RAB4A: variants seen among roughly 807,000 people sequenced by gnomAD.
RAB4A encodes the protein ras-related protein Rab-4A.
In RAB4A, 20 loss-of-function variants were observed where a neutral mutation model predicts 34.5. The ratio of observed to expected loss-of-function variants is 0.58; its 90% CI spans 0.41 to 0.84. RAB4A has a LOEUF of 0.84. Among genes scored for constraint, RAB4A ranks in the 40% least tolerant of loss-of-function variants. The probability of loss-of-function intolerance (pLI) is 0.00; values close to 1 mark genes in which losing one functional copy is unlikely to be tolerated. For synonymous variants in RAB4A, 102 were observed against 100.0 expected (o/e 1.02, Z -0.12); for missense variants, 228 against 274.5 (o/e 0.83, Z 1.20).
At chr1:229,300,697 G>T (rs751799766) in intron 6 of RAB4A, among the ~76,000 whole-genome samples, 3 of 152,170 alleles carry the variant, frequency 2.0e-5, no homozygotes, top group Non-Finnish European at 4.4e-5. Context: ...TTGCGGTAAC[G>T]CTGAGACATG....
intron 1 of RAB4A, among the ~76,000 whole-genome samples, chr1:229,280,228 A>C (rs1051327183): frequency 1.3e-5 from 2 of 152,278 alleles, no homozygotes; most frequent in Non-Finnish European, 2.9e-5. Context: ...GCTGCAAACC[A>C]GCAAACATTG....
chr1:229,271,900 G>A (rs1656494873), intron 1 of RAB4A, among the ~76,000 whole-genome samples: 2 of 152,092 alleles, frequency 1.3e-5, no homozygotes, highest in African/African-American at 2.4e-5. Flanking sequence ...CTCTTGCTTC[G>A]TTTATTTCTC....
At chr1:229,287,566 C>T (rs1326717841) in intron 2 of RAB4A, among the ~76,000 whole-genome samples, 1 of 152,186 alleles carries the variant, frequency 6.6e-6, no homozygotes, top group African/African-American at 2.4e-5. Flanking sequence ...TTCTGTCCTC[C>T]TCAGAGAACT....
chr1:229,291,182 C>G (rs1157713386), intron 3 of RAB4A, among the ~76,000 whole-genome samples: 1 of 152,232 alleles, frequency 6.6e-6, no homozygotes, highest in African/African-American at 2.4e-5. Context: ...AAATTCTAAA[C>G]TTAGCCAAAC....
At chr1:229,293,231 C>T (rs1464208202) in intron 3 of RAB4A, among the ~76,000 whole-genome samples, 1 of 152,208 alleles carries the variant, frequency 6.6e-6, no homozygotes, top group Non-Finnish European at 1.5e-5. Flanking sequence ...CTCTGACCCC[C>T]ATCCTTTTGG....
chr1:229,279,732 A>G (rs951401851), intron 1 of RAB4A, among the ~76,000 whole-genome samples: 2 of 152,228 alleles, frequency 1.3e-5, no homozygotes, highest in African/African-American at 2.4e-5. Context: ...CGGAAAGTTA[A>G]AAGTACATTA....
chr1:229,291,544 C>T (rs535949317), intron 3 of RAB4A, among the ~76,000 whole-genome samples: 1 of 152,256 alleles, frequency 6.6e-6, no homozygotes, highest in Non-Finnish European at 1.5e-5. Flanking sequence ...TTTCCTAAAC[C>T]TTTTGTAGAA....
At chr1:229,273,039 A>G (rs1240387748) in intron 1 of RAB4A, among the ~76,000 whole-genome samples, 2 of 152,228 alleles carry the variant, frequency 1.3e-5, no homozygotes, top group African/African-American at 4.8e-5. Context: ...ACATCTTTGC[A>G]CTTCTTTATT....
In RAB4A at chr1:229,302,309, A is replaced by ATT. The variant is rs869095524; in HGVS notation, c.542-538_542-537dup. On this transcript the variant is annotated intron_variant, in intron 6 of 7. Coordinates refer to ENST00000366690, the MANE Select transcript of RAB4A (RefSeq NM_004578.4). The stretch of plus-strand genomic sequence containing the variant: ...TATATATATATATATATATATATAT[A>ATT]TTTTTTTTTTTTTTTTACATGTGCA... 6.7e-3 allele frequency among the ~76,000 whole-genome samples: 240 copies of ATT among 35,878 alleles called. 11 individuals are homozygous for ATT. The highest frequency in any genetic ancestry group is 0.011 in the African/African-American group (131 of 12,332). 23.5% of individuals were successfully genotyped at this position (35,878 alleles called of 152,430 possible). A position where few individuals can be genotyped will look rare whatever the true frequency, so the allele number is the denominator to read the frequency against.
Position 229,290,982 on chromosome 1 carries a change from C to T in RAB4A, c.227+2139C>T, listed in dbSNP as rs1302767632. ...AGTAAGGAAAAAGTCCAGACCAGAG[C>T]GTGCCATGTGAAATTTCAGAACACC... On this transcript the variant is annotated intron_variant, in intron 3 of 7. Transcript: ENST00000366690. Among the ~76,000 whole-genome samples, 4 of 152,192 alleles carry T rather than the reference C, an allele frequency of 2.6e-5. No homozygotes were observed. In the South Asian group the frequency reaches 6.2e-4, roughly 24 times the overall value.
chr1:229,305,097 A>G lies in RAB4A; in HGVS notation c.*1304A>G. ...GCCTACTGCTTTTGTTGTTTATTTT[A>G]ATCAGCAGAGCACAGAGACACATAA... On this transcript the variant is annotated 3_prime_UTR_variant, in exon 8 of 8. Transcript: ENST00000366690. The G allele has an allele frequency of 2.7e-6, 4 of 1,493,378 alleles. No homozygotes were observed. Among genetic ancestry groups the G allele is most frequent in the Non-Finnish European group, 3.6e-6 (4 of 1,124,376 alleles). The allele number at this position is 1,493,378 out of a possible 1,614,324, so 92.5% of individuals were successfully genotyped here.
At chr1:229,292,073 G>C (rs12129272) in intron 3 of RAB4A, among the ~76,000 whole-genome samples, 1,957 of 115,938 alleles carry the variant, frequency 0.017, 23 homozygotes, top group Non-Finnish European at 0.025. Context: ...GTTGTGGGGT[G>C]GGGGGAGGGG....
At chr1:229,288,869 A>G (rs1258030205) in intron 3 of RAB4A, 26 bp downstream of exon 3, 1 of 1,313,476 alleles carries the variant, frequency 7.6e-7, no homozygotes, top group Non-Finnish European at 1.1e-6. Flanking sequence ...CTTAATAAAA[A>G]TATTTGAAAA....
At chr1:229,299,716 G>A (rs1035296162) in intron 6 of RAB4A, among the ~76,000 whole-genome samples, 1 of 152,198 alleles carries the variant, frequency 6.6e-6, no homozygotes, top group Non-Finnish European at 1.5e-5. Flanking sequence ...GTGCCTATTT[G>A]TCAGATGCTG....
chr1:229,291,939 TC>T (rs1175266642), intron 3 of RAB4A, among the ~76,000 whole-genome samples: 4 of 151,750 alleles, frequency 2.6e-5, no homozygotes, highest in Non-Finnish European at 5.9e-5. Flanking sequence ...AAATTGGAAA[TC>T]ATCATTCTCA....
rs1657482174 is a variant in RAB4A, at chr1:229,303,898, T to C, written c.*105T>C. On this transcript the variant is annotated 3_prime_UTR_variant, in exon 8 of 8. Transcript: ENST00000366690. ...CATCTTTTTCTACTCTGTATGGAAG[T>C]AGATCTTTATGGGGAAAAGAGAATT... The C allele has an allele frequency of 6.6e-6, 1 of 152,220 alleles. No individual in the cohort carries two copies. Among genetic ancestry groups the C allele is most frequent in the African/African-American group, 2.4e-5 (1 of 41,454 alleles). The allele number at this position is 152,220 out of a possible 1,614,324, so 9.4% of individuals were successfully genotyped here. A position where few individuals can be genotyped will look rare whatever the true frequency, so the allele number is the denominator to read the frequency against.
chr1:229,272,750 A>G (rs567488677), intron 1 of RAB4A, among the ~76,000 whole-genome samples: 1 of 152,282 alleles, frequency 6.6e-6, no homozygotes, highest in Admixed American at 6.5e-5. Context: ...TCTTGTAAGA[A>G]AAAATGGGAA....
At position 229,293,617 on chromosome 1, in the gene RAB4A, G is replaced by A. The variant is rs369413744; in HGVS notation, c.228-2231G>A. Among the ~76,000 whole-genome samples the A allele has an allele frequency of 3.3e-5, 5 of 152,316 alleles. No individual in the cohort carries two copies. In the South Asian group the frequency reaches 6.2e-4, roughly 19 times the overall value. On this transcript the variant is annotated intron_variant, in intron 3 of 7. Transcript: ENST00000366690. ...GTCCAGGCCCTGTGCTAGGCACTGG[G>A]ATCCTCTGGTGAGTGAGACAGCAGA...
intron 6 of RAB4A, among the ~76,000 whole-genome samples, chr1:229,300,528 A>C (rs1489054529): frequency 2.0e-5 from 3 of 152,294 alleles, no homozygotes; most frequent in Admixed American, 2.0e-4. Context: ...ACTGACTCTT[A>C]GGTGGGACAA....
Sources: allele counts gnomAD v4.1 joint callset (sites outside exome capture counted in the v4.1 genomes callset), GRCh38; gene constraint gnomAD v4.1.1; transcripts MANE v1.5; gene names NCBI Gene and HGNC (gene_info 2026-07-23, HGNC 2026-07-21).